ANXA4: variants seen among roughly 807,000 people sequenced by gnomAD.
ANXA4 encodes the protein annexin A4.
ANXA4 carries 39 observed loss-of-function variants against 49.8 expected under a neutral mutation model. The observed-to-expected ratio is 0.78, with a 90% CI of 0.61 to 1.02. ANXA4 has a LOEUF of 1.02. Among genes scored for constraint, ANXA4 ranks in the 50% least tolerant of loss-of-function variants. ANXA4 has a pLI of 0.00. For synonymous variants in ANXA4, 134 were observed against 152.5 expected (o/e 0.88, Z 0.89); for missense variants, 360 against 410.1 (o/e 0.88, Z 1.05).
chr2:69,775,719 A>G (rs1671934742), intron 1 of ANXA4, among the ~76,000 whole-genome samples: 1 of 152,200 alleles, frequency 6.6e-6, no homozygotes, highest in South Asian at 2.1e-4. Context: ...ATGCAACATT[A>G]GTATTTTAAA....
intron 12 of ANXA4, among the ~76,000 whole-genome samples, chr2:69,824,461 C>T (rs1674375103): frequency 6.7e-6 from 1 of 150,208 alleles, no homozygotes; most frequent in South Asian, 2.1e-4. Context: ...CAGGATTGCA[C>T]CATTGCACTC....
At chr2:69,672,556 T>C (rs1677230400) in intron 2 of ANXA4, among the ~76,000 whole-genome samples, 1 of 152,168 alleles carries the variant, frequency 6.6e-6, no homozygotes, top group Admixed American at 6.6e-5. Context: ...AACAATATTA[T>C]GTATCTAATA....
chr2:69,819,881 G>A (rs1022761389), intron 11 of ANXA4, among the ~76,000 whole-genome samples: 12 of 151,944 alleles, frequency 7.9e-5, no homozygotes, highest in East Asian at 1.9e-4. Context: ...CAGCCTGGCC[G>A]TCATGGTGAA....
At chr2:69,652,472 C>G (rs967409035) in intron 1 of ANXA4, among the ~76,000 whole-genome samples, 4 of 152,160 alleles carry the variant, frequency 2.6e-5, no homozygotes, top group Non-Finnish European at 4.4e-5. Context: ...TTGGGAGAAG[C>G]TTAGGGATCT....
chr2:69,805,125 C>G (rs1384234794), intron 4 of ANXA4, among the ~76,000 whole-genome samples: 27 of 143,276 alleles, frequency 1.9e-4, no homozygotes, highest in African/African-American at 6.9e-4. Flanking sequence ...AGTTCTTAAA[C>G]TCTCTGACCC....
chr2:69,780,161 T>C (rs1410834880), intron 1 of ANXA4, among the ~76,000 whole-genome samples: 2 of 151,922 alleles, frequency 1.3e-5, no homozygotes, highest in African/African-American at 4.8e-5. Context: ...ATTCTGGGAG[T>C]AGGTGTGGGG....
intron 2 of ANXA4, among the ~76,000 whole-genome samples, chr2:69,715,756 GCA>G (rs1678861269): frequency 1.3e-5 from 2 of 152,342 alleles, no homozygotes; most frequent in South Asian, 4.1e-4. Context: ...CTGTGCCTAT[GCA>G]CAGAGGGCAG....
At chr2:69,665,613 C>A (rs377642394) in intron 2 of ANXA4, among the ~76,000 whole-genome samples, 4 of 152,096 alleles carry the variant, frequency 2.6e-5, no homozygotes, top group East Asian at 3.9e-4. Context: ...ATCTCCTATC[C>A]CTATACTCAT....
chr2:69,727,197 T>C (rs549928693), intron 3 of ANXA4, among the ~76,000 whole-genome samples: 2 of 152,336 alleles, frequency 1.3e-5, no homozygotes, highest in South Asian at 4.1e-4. Flanking sequence ...GATGGACATG[T>C]AAATTATTTC....
At chr2:69,722,221 G>T (rs996337006) in intron 3 of ANXA4, among the ~76,000 whole-genome samples, 3 of 152,134 alleles carry the variant, frequency 2.0e-5, no homozygotes, top group African/African-American at 7.2e-5. Flanking sequence ...AACCTTAAAG[G>T]TCTATGGTCT....
At chr2:69,802,122 C>T (rs1001577115) in intron 3 of ANXA4, among the ~76,000 whole-genome samples, 1 of 152,038 alleles carries the variant, frequency 6.6e-6, no homozygotes, top group African/African-American at 2.4e-5. Context: ...GGCTGCAGTG[C>T]CTAAAGTAAA....
At chr2:69,657,298 A>T (rs1443723052) in intron 2 of ANXA4, among the ~76,000 whole-genome samples, 1 of 152,086 alleles carries the variant, frequency 6.6e-6, no homozygotes, top group Non-Finnish European at 1.5e-5. Flanking sequence ...CCAGCACACT[A>T]CATTAATTTT....
chr2:69,661,482 G>A (rs751543277), intron 2 of ANXA4, among the ~76,000 whole-genome samples: 10 of 148,814 alleles, frequency 6.7e-5, no homozygotes, highest in South Asian at 2.1e-4. Context: ...CAGATCTACC[G>A]AAAAAAAAAA....
intron 3 of ANXA4, among the ~76,000 whole-genome samples, chr2:69,788,978 T>C (rs899784713): frequency 1.4e-4 from 21 of 152,180 alleles, no homozygotes; most frequent in Non-Finnish European, 2.8e-4. Flanking sequence ...GCATTAGTTC[T>C]TCACTTTAAT....
chr2:69,761,957 T>C (rs953948802), intron 1 of ANXA4, among the ~76,000 whole-genome samples: 2 of 152,118 alleles, frequency 1.3e-5, no homozygotes, highest in Non-Finnish European at 2.9e-5. Context: ...TGGCACCAAC[T>C]AGATTAGTGA....
At chr2:69,672,525 G>A (rs1334698307) in intron 2 of ANXA4, among the ~76,000 whole-genome samples, 7 of 152,050 alleles carry the variant, frequency 4.6e-5, no homozygotes, top group South Asian at 2.1e-4. Context: ...AGCCACCACA[G>A]CCAGCCTATT....
chr2:69,821,124 C>A (rs576047834), intron 12 of ANXA4, among the ~76,000 whole-genome samples: 1 of 152,280 alleles, frequency 6.6e-6, no homozygotes, highest in African/African-American at 2.4e-5. Flanking sequence ...AGAAGATAAA[C>A]AACTGAATCC....
chr2:69,746,760 G>A lies in ANXA4; in HGVS notation c.-47+4585G>A, dbSNP rs955268083. ...TAAGTGTCAGACTGTAAATTACTAC[G>A]GAAAAGACCTTCTACAGCCTGGTCA... On this transcript the variant is annotated intron_variant, in intron 1 of 12. Coordinates refer to ENST00000394295, the MANE Select transcript of ANXA4 (RefSeq NM_001153.5). Among the ~76,000 whole-genome samples, 6 of 151,914 alleles carry A rather than the reference G, an allele frequency of 3.9e-5. No homozygotes were observed. In the South Asian group the frequency reaches 6.3e-4, roughly 16 times the overall value.
chr2:69,694,708 C>T (rs1678102477), intron 2 of ANXA4, among the ~76,000 whole-genome samples: 1 of 151,666 alleles, frequency 6.6e-6, no homozygotes, highest in East Asian at 1.9e-4. Flanking sequence ...TATAAAATAC[C>T]CAGTCTATGG....
Sources: gnomAD v4.1 joint callset for allele counts (sites outside exome capture counted in the v4.1 genomes callset) on GRCh38, gnomAD v4.1.1 for gene constraint, MANE v1.5 for transcripts, NCBI Gene and HGNC (gene_info 2026-07-23, HGNC 2026-07-21) for gene names.